The following EXTL1 variants were observed in gnomAD, a reference collection of about 807,000 sequenced individuals.
The protein encoded by EXTL1 is exostosin-like 1.
A neutral mutation model predicts 64.6 loss-of-function variants in EXTL1; 43 were observed. That is an observed-to-expected ratio of 0.67 (90% CI 0.52 to 0.86). EXTL1 has a LOEUF of 0.86. EXTL1 is among the 40% of genes least tolerant of loss of function. The pLI is 0.00. For synonymous variants in EXTL1, 352 were observed against 360.5 expected (o/e 0.98, Z 0.27); for missense variants, 766 against 879.0 (o/e 0.87, Z 1.62).
chr1:26,033,294 C>A lies in EXTL1; in HGVS notation c.1497C>A (p.Arg499=), dbSNP rs777970742. Reference sequence around the variant, plus strand: ...ATGCCATCCTCAGCCTCGATGCCCGCAGCAGTCTTTCCACAAGTGAGGTGA... The same window carrying A: ...ATGCCATCCTCAGCCTCGATGCCCGAAGCAGTCTTTCCACAAGTGAGGTGA... ...RTDAILSLDA[R]SSLSTSEVDF... is the part of the protein sequence containing the mutation. The change falls in exon 8 of 11, where the codon CGC becomes CGA. Residue 499 remains arginine, a synonymous_variant. Transcript: ENST00000374280. The surrounding 1 kb of genome is among the most constrained non-coding windows in gnomAD (Gnocchi z 5.1). The A allele has an allele frequency of 1.2e-6, 2 of 1,614,008 alleles. No individual in the cohort carries two copies. The highest frequency in any genetic ancestry group is 2.2e-5 in the South Asian group (2 of 91,082).
chr1:26,028,184 A>T (rs1231998230), intron 1 of EXTL1, among the ~76,000 whole-genome samples: 1 of 152,194 alleles, frequency 6.6e-6, no homozygotes, highest in East Asian at 1.9e-4. Context: ...CTAAAGCAGC[A>T]GCTCTGGGGT....
chr1:26,033,177 G>C lies in EXTL1; in HGVS notation c.1432-52G>C. On this transcript the variant is annotated intron_variant, in intron 7 of 10. Coordinates refer to ENST00000374280, the MANE Select transcript of EXTL1 (RefSeq NM_004455.3). This position sits in a 1 kb window ranked among gnomAD's most constrained non-coding sequence, Gnocchi z 5.1. Reference sequence around the variant, plus strand: ...CTGAATGGCTCCTACTTATTGGATGGGGGTGGGGGGAATGTTCCAATGGCT... The same window carrying C: ...CTGAATGGCTCCTACTTATTGGATGCGGGTGGGGGGAATGTTCCAATGGCT... 7.8e-7 allele frequency: 1 copy of C among 1,281,732 alleles called. No individual in the cohort carries two copies. The highest frequency in any genetic ancestry group is 1.1e-6 in the Non-Finnish European group (1 of 878,170). The allele number at this position is 1,281,732 out of a possible 1,614,324, so 79.4% of individuals were successfully genotyped here. A position where few individuals can be genotyped will look rare whatever the true frequency, so the allele number is the denominator to read the frequency against.
chr1:26,026,320 GTCTT>G (rs2124403362), intron 1 of EXTL1, among the ~76,000 whole-genome samples: 1 of 128,746 alleles, frequency 7.8e-6, no homozygotes, highest in East Asian at 2.4e-4. Flanking sequence ...TTGAGACAAA[GTCTT>G]TCTCTGTCAC....
rs2050331048 is a variant in EXTL1, at chr1:26,035,530, C to G, written c.*183C>G. On this transcript the variant is annotated 3_prime_UTR_variant, in exon 11 of 11. Transcript: ENST00000374280. This position sits in a 1 kb window ranked among gnomAD's most constrained non-coding sequence, Gnocchi z 5.3. ...CGTGGCCTTACCTTCTCCTGCTCGC[C>G]CTCAGCCGCGGAGCCTCTGCGGAGG... 2 of 483,300 alleles carry G rather than the reference C, an allele frequency of 4.1e-6. No homozygotes were observed. Among genetic ancestry groups the G allele is most frequent in the Non-Finnish European group, 7.2e-6 (2 of 276,316 alleles). The allele number at this position is 483,300 out of a possible 1,614,324, so 29.9% of individuals were successfully genotyped here.
rs1467578992 is a variant in EXTL1 at position 26,033,892 on chromosome 1, CAG to C, written c.1679+39_1679+40del. 6.4e-7 allele frequency: 1 copy of C among 1,571,528 alleles called. No homozygotes were observed. Among genetic ancestry groups the C allele is most frequent in the African/African-American group, 1.4e-5 (1 of 73,516 alleles). Reference sequence around the variant, plus strand: ...CTACCCTGCACAGGGATCAGAGTATCAGAGGACCAGAGACCCCACCCCCACCC... The same window carrying C: ...CTACCCTGCACAGGGATCAGAGTATCAGGACCAGAGACCCCACCCCCACCC... On this transcript the variant is annotated intron_variant, in intron 9 of 10. Transcript: ENST00000374280. The surrounding 1 kb of genome is among the most constrained non-coding windows in gnomAD (Gnocchi z 5.1).
intron 4 of EXTL1, among the ~76,000 whole-genome samples, chr1:26,030,895 A>T (rs1469361535): frequency 6.6e-6 from 1 of 152,160 alleles, no homozygotes; most frequent in Non-Finnish European, 1.5e-5. Context: ...TGAGTCCTGA[A>T]AGAATGTCAT....
At position 26,033,843 on chromosome 1, in the gene EXTL1, G is replaced by A. The variant is rs115796049; in HGVS notation, c.1666G>A (p.Ala556Thr). Residue 556 changes from alanine (A) to threonine (T), a missense_variant, in exon 9 of 11, where the codon GCC (alanine) becomes ACC (threonine). Physicochemically the swap from Ala to Thr is moderately conservative, Grantham distance 58. Coordinates refer to ENST00000374280, the MANE Select transcript of EXTL1 (RefSeq NM_004455.3). This position sits in a 1 kb window ranked among gnomAD's most constrained non-coding sequence, Gnocchi z 5.1. ...ATTCTCCATGGTTCTCACCACAGCCGCCTTCTACCATAGGTACAGACCCCT... is the reference window on the plus strand; with the variant it reads ...ATTCTCCATGGTTCTCACCACAGCCACCTTCTACCATAGGTACAGACCCCT... Reference protein sequence around the residue: ...NEFSMVLTTAAFYHRYYHTLF... With the variant: ...NEFSMVLTTATFYHRYYHTLF... 1.5e-5 allele frequency: 24 copies of A among 1,613,592 alleles called. No individual in the cohort carries two copies. Among genetic ancestry groups the A allele is most frequent in the South Asian group, 1.2e-4 (11 of 91,018 alleles).
chr1:26,032,168 C>A, intron 6 of EXTL1: 1 of 499,960 alleles, frequency 2.0e-6, no homozygotes, highest in South Asian at 2.9e-5. Flanking sequence ...AGTTCTGAAG[C>A]CACAGGTCAC....
chr1:26,031,677 C>T (rs562514115), intron 6 of EXTL1, 111 bp downstream of exon 6: 12 of 539,010 alleles, frequency 2.2e-5, no homozygotes, highest in South Asian at 9.4e-5. Context: ...AGGGGAGGCA[C>T]GGGGAAGATT....
intron 2 of EXTL1, 138 bp from the exon 3 acceptor site, chr1:26,029,462 C>A: frequency 1.4e-6 from 1 of 699,942 alleles, no homozygotes; most frequent in South Asian, 1.7e-5. Context: ...ACCATAACCT[C>A]CCCTCCCTGA....
rs541452125 is a variant in EXTL1 at position 26,033,575 on chromosome 1, C to T, written c.1519-121C>T. ...CCAGCCAATTCCAAGTCTTGGCTCCCGCGCCCTCTCCCCTGAGTCCTGCCC... is the reference window on the plus strand; with the variant it reads ...CCAGCCAATTCCAAGTCTTGGCTCCTGCGCCCTCTCCCCTGAGTCCTGCCC... On this transcript the variant is annotated intron_variant, in intron 8 of 10. Coordinates refer to ENST00000374280, the MANE Select transcript of EXTL1 (RefSeq NM_004455.3). This position sits in a 1 kb window ranked among gnomAD's most constrained non-coding sequence, Gnocchi z 5.1. 22 of 1,017,988 alleles carry T rather than the reference C, an allele frequency of 2.2e-5. No individual in the cohort carries two copies. The highest frequency in any genetic ancestry group is 1.2e-4 in the South Asian group (8 of 65,606). 63.1% of individuals were successfully genotyped at this position (1,017,988 alleles called of 1,614,324 possible). A position where few individuals can be genotyped will look rare whatever the true frequency, so the allele number is the denominator to read the frequency against.
chr1:26,033,950 G>C lies in EXTL1; in HGVS notation c.1679+94G>C. On this transcript the variant is annotated intron_variant, in intron 9 of 10. Coordinates refer to ENST00000374280, the MANE Select transcript of EXTL1 (RefSeq NM_004455.3). The surrounding 1 kb of genome is among the most constrained non-coding windows in gnomAD (Gnocchi z 5.1). ...GGAGCAGAGTGGCCTAGACCCCAGGGATCCAGGTTCAAGGCCGAGATCTGC... is the reference window on the plus strand; with the variant it reads ...GGAGCAGAGTGGCCTAGACCCCAGGCATCCAGGTTCAAGGCCGAGATCTGC... 1 of 1,179,902 alleles carries C rather than the reference G, an allele frequency of 8.5e-7. No individual in the cohort carries two copies. The highest frequency in any genetic ancestry group is 3.4e-5 in the Admixed American group (1 of 29,666). The allele number at this position is 1,179,902 out of a possible 1,614,324, so 73.1% of individuals were successfully genotyped here. A position where few individuals can be genotyped will look rare whatever the true frequency, so the allele number is the denominator to read the frequency against.
intron 1 of EXTL1, among the ~76,000 whole-genome samples, chr1:26,027,716 C>A (rs971027430): frequency 9.3e-6 from 1 of 107,318 alleles, no homozygotes; most frequent in African/African-American, 3.9e-5. Flanking sequence ...AAAGCCAGCA[C>A]GTGCCTGTAG....
chr1:26,026,812 G>A (rs1456034571), intron 1 of EXTL1, among the ~76,000 whole-genome samples: 4 of 152,178 alleles, frequency 2.6e-5, no homozygotes, highest in Non-Finnish European at 5.9e-5. Flanking sequence ...TGAGTCTATG[G>A]CAGGTACCTT....
Position 26,032,107 on chromosome 1 carries a change from G to A in EXTL1, c.1342-289G>A, listed in dbSNP as rs1026391705. On this transcript the variant is annotated intron_variant, in intron 6 of 10. Transcript: ENST00000374280. ...GAAGGCTTCGAGAAAAGATGAGGAT[G>A]GAGCATGGAGTCAGGGCCCAGGCTA... The A allele has an allele frequency of 2.8e-5, 10 of 355,410 alleles. No individual in the cohort carries two copies. The South Asian group carries it at 6.4e-4, about 23-fold the overall frequency. 22.0% of individuals were successfully genotyped at this position (355,410 alleles called of 1,614,324 possible).
chr1:26,029,368 G>A, intron 2 of EXTL1, 82 bp downstream of exon 2: 1 of 1,141,450 alleles, frequency 8.8e-7, no homozygotes, highest in Non-Finnish European at 1.3e-6. Context: ...CCAGGCCAAT[G>A]AGAAGGGGCA....
intron 1 of EXTL1, among the ~76,000 whole-genome samples, chr1:26,026,310 T>TC (rs2050215736): frequency 1.3e-5 from 2 of 151,474 alleles, no homozygotes; most frequent in Admixed American, 1.3e-4. Flanking sequence ...TTTTTTTTTT[T>TC]TGAGACAAAG....
At position 26,023,293 on chromosome 1, in the gene EXTL1, G is replaced by A. The variant is rs771066693; in HGVS notation, c.647G>A (p.Arg216Gln). The change falls in exon 1 of 11, where the codon CGG becomes CAG. Residue 216 changes from arginine to glutamine, a missense_variant. Arg to Gln is a conservative substitution (Grantham distance 43, BLOSUM62 1). This residue lies in a region of EXTL1 where 571 missense variants were observed against 647.6 expected (regional missense o/e 0.88). Transcript: ENST00000374280. ...PLRGGAPGQL[R>Q]QHSPQPGVAL... ...CGAGGTGGGGCTCCTGGCCAGCTGC[G>A]GCAACACAGCCCCCAGCCCGGGGTA... 5.0e-5 allele frequency: 78 copies of A among 1,571,450 alleles called. No individual in the cohort carries two copies. Among genetic ancestry groups the A allele is most frequent in the Middle Eastern group, 3.4e-4 (2 of 5,848 alleles).
chr1:26,023,122 A>G lies in EXTL1; in HGVS notation c.476A>G (p.His159Arg). The part of the protein sequence containing the change: ...MPLQWNRGRN[H>R]LVLRLHPAPC... ...CTGCAATGGAACAGGGGCAGGAACC[A>G]TCTGGTCCTCCGTCTCCACCCGGCT... Residue 159 changes from histidine to arginine, a missense_variant, in exon 1 of 11, where the codon CAT (histidine) becomes CGT (arginine). This residue lies in a region of EXTL1 where 571 missense variants were observed against 647.6 expected (regional missense o/e 0.88). Coordinates refer to ENST00000374280, the MANE Select transcript of EXTL1 (RefSeq NM_004455.3). 1 of 1,613,940 alleles carries G rather than the reference A, an allele frequency of 6.2e-7. No homozygotes were observed. Among genetic ancestry groups the G allele is most frequent in the Non-Finnish European group, 8.5e-7 (1 of 1,179,976 alleles).
Sources: allele counts gnomAD v4.1 joint callset (sites outside exome capture counted in the v4.1 genomes callset), GRCh38; gene constraint gnomAD v4.1.1; regional missense constraint gnomAD v4.1.1; non-coding constraint Gnocchi (gnomAD v3.1); transcripts MANE v1.5; gene names NCBI Gene and HGNC (gene_info 2026-07-23, HGNC 2026-07-21).